Variants in SPMIP6 observed in about 807,000 individuals in gnomAD.
SPMIP6 encodes sperm microtubule inner protein 6.
the SPMIP6 span, among the ~76,000 whole-genome samples, chr9:34,383,493 C>T: frequency 6.6e-6 from 1 of 152,212 alleles, no homozygotes; most frequent in African/African-American, 2.4e-5. Flanking sequence ...CACTGCACTC[C>T]AGCCTGGGTG....
At chr9:34,385,484 C>T in the SPMIP6 span, among the ~76,000 whole-genome samples, 1 of 131,908 alleles carries the variant, frequency 7.6e-6, no homozygotes, top group Non-Finnish European at 1.5e-5. Flanking sequence ...TGCAGTGAGC[C>T]GAGATCATGC....
At chr9:34,397,386 A>T in the SPMIP6 span, 1 of 1,204,228 alleles carries the variant, frequency 8.3e-7, no homozygotes. Flanking sequence ...GCCTAGGTAA[A>T]TGAATAAAAC....
the SPMIP6 span, chr9:34,382,652 G>A: frequency 4.2e-5 from 33 of 784,934 alleles, no homozygotes; most frequent in South Asian, 3.3e-4. Flanking sequence ...TGTTGGGAAA[G>A]CAATGAGGAC....
At chr9:34,394,598 C>T in the SPMIP6 span, among the ~76,000 whole-genome samples, 3 of 151,868 alleles carry the variant, frequency 2.0e-5, no homozygotes, top group Admixed American at 6.6e-5. Flanking sequence ...TTTAATTGGC[C>T]GTTCTTCAAA....
At chr9:34,394,599 G>A in the SPMIP6 span, among the ~76,000 whole-genome samples, 2 of 151,956 alleles carry the variant, frequency 1.3e-5, no homozygotes, top group African/African-American at 4.8e-5. Context: ...TTAATTGGCC[G>A]TTCTTCAAAG....
At chr9:34,389,566 G>C in the SPMIP6 span, among the ~76,000 whole-genome samples, 2 of 152,130 alleles carry the variant, frequency 1.3e-5, no homozygotes, top group Non-Finnish European at 2.9e-5. Flanking sequence ...TTTTTGTAGA[G>C]ATGAGGTTTC....
At chr9:34,397,766 G>A in the SPMIP6 span, 2 of 888,698 alleles carry the variant, frequency 2.3e-6, no homozygotes, top group Admixed American at 2.5e-5. Flanking sequence ...ATCCCCTCCT[G>A]CAGAGGATCT....
chr9:34,388,141 C>CTT, the SPMIP6 span, among the ~76,000 whole-genome samples: 1 of 135,034 alleles, frequency 7.4e-6, no homozygotes, highest in Non-Finnish European at 1.6e-5. Context: ...AGTTTAACTG[C>CTT]TTTTTTTTTT....
the SPMIP6 span, among the ~76,000 whole-genome samples, chr9:34,387,774 C>G: frequency 6.6e-6 from 1 of 152,202 alleles, no homozygotes; most frequent in Non-Finnish European, 1.5e-5. Flanking sequence ...TGTGTGTAGG[C>G]TTTGTCCACC....
chr9:34,390,701 A>AT, the SPMIP6 span, among the ~76,000 whole-genome samples: 332 of 151,496 alleles, frequency 2.2e-3, 3 homozygotes, highest in African/African-American at 7.0e-3. Flanking sequence ...CTTTTGATTA[A>AT]TTTTTTTTTG....
At chr9:34,395,782 C>T in the SPMIP6 span, among the ~76,000 whole-genome samples, 12 of 152,202 alleles carry the variant, frequency 7.9e-5, no homozygotes, top group African/African-American at 2.9e-4. Flanking sequence ...CCTCCAGCTG[C>T]CACAGCCAAA....
At chr9:34,382,399 C>A in the SPMIP6 span, among the ~76,000 whole-genome samples, 2 of 152,186 alleles carry the variant, frequency 1.3e-5, no homozygotes, top group Admixed American at 1.3e-4. Flanking sequence ...GCCTGGCCAA[C>A]ATGGCAAGAT....
the SPMIP6 span, chr9:34,381,409 G>A: frequency 1.2e-6 from 2 of 1,614,068 alleles, no homozygotes; most frequent in Non-Finnish European, 1.7e-6. The surrounding 1 kb of genome is among the most constrained non-coding windows in gnomAD (Gnocchi z 4.4). Context: ...GGCATTCCAA[G>A]GGCATTCCTC....
At chr9:34,381,250 C>G in the SPMIP6 span, 1 of 1,579,102 alleles carries the variant, frequency 6.3e-7, no homozygotes, top group Non-Finnish European at 8.6e-7. This position sits in a 1 kb window ranked among gnomAD's most constrained non-coding sequence, Gnocchi z 4.4. Flanking sequence ...ATTCAGGGTT[C>G]CACCCTCTCC....
chr9:34,395,878 T>G, the SPMIP6 span, among the ~76,000 whole-genome samples: 1 of 152,192 alleles, frequency 6.6e-6, no homozygotes. Flanking sequence ...TCCCTTCTAT[T>G]GAGTATGGAG....
the SPMIP6 span, among the ~76,000 whole-genome samples, chr9:34,386,069 G>A: frequency 6.6e-6 from 1 of 152,194 alleles, no homozygotes; most frequent in Non-Finnish European, 1.5e-5. Context: ...ATTTCCTGGT[G>A]GGGAGCTCAT....
At chr9:34,382,855 G>T in the SPMIP6 span, 53 of 1,612,872 alleles carry the variant, frequency 3.3e-5, no homozygotes, top group Non-Finnish European at 4.1e-5. Context: ...AGGTAGTTTG[G>T]GCTGCATTTG....
the SPMIP6 span, chr9:34,397,764 C>T: frequency 1.1e-6 from 1 of 905,446 alleles, no homozygotes; most frequent in Non-Finnish European, 1.7e-6. Flanking sequence ...TAATCCCCTC[C>T]TGCAGAGGAT....
the SPMIP6 span, chr9:34,381,498 T>C: frequency 3.1e-6 from 5 of 1,612,308 alleles, no homozygotes; most frequent in East Asian, 1.1e-4. This position sits in a 1 kb window ranked among gnomAD's most constrained non-coding sequence, Gnocchi z 4.4. Context: ...GCTGCTCCCT[T>C]TTAGGGGTCC....
Sources: gnomAD v4.1 joint callset for allele counts (sites outside exome capture counted in the v4.1 genomes callset) on GRCh38, gnomAD v4.1.1 for gene constraint, Gnocchi (gnomAD v3.1) non-coding constraint, MANE v1.5 for transcripts, NCBI Gene and HGNC (gene_info 2026-07-23, HGNC 2026-07-21) for gene names.